Variants in PCDHA4 observed in about 807,000 individuals in gnomAD.
PCDHA4 encodes the protein protocadherin alpha 4.
Under a neutral mutation model 61.4 loss-of-function variants are expected in PCDHA4, and 49 were observed. The ratio of observed to expected loss-of-function variants is 0.80; its 90% CI spans 0.63 to 1.01. The LOEUF is 1.01. Among genes scored for constraint, PCDHA4 ranks in the 50% least tolerant of loss-of-function variants. The pLI, the probability that PCDHA4 is intolerant of heterozygous loss-of-function variation, is 0.00. For missense variants in PCDHA4, 1,254 were observed against 1,235.8 expected (o/e 1.01, Z -0.22); for synonymous variants, 590 against 550.3 (o/e 1.07, Z -1.01).
rs529585383 is a variant in PCDHA4 at position 140,982,571 on chromosome 5, G to T, written c.2533+8G>T. 243 of 1,613,888 alleles carry T rather than the reference G, an allele frequency of 1.5e-4. 4 individuals carry two copies. The South Asian group carries it at 2.5e-3, about 17-fold the overall frequency. ...TATCCAGTGCAACACCAGGTAAAGAGCTGGGGTCTCTCCATTCTTTCTTGG... is the reference window on the plus strand; with the variant it reads ...TATCCAGTGCAACACCAGGTAAAGATCTGGGGTCTCTCCATTCTTTCTTGG... On this transcript the variant is annotated splice_region_variant and intron_variant, in intron 3 of 3. Transcript: ENST00000530339.
At chr5:140,986,372 G>T (rs570215048) in intron 3 of PCDHA4, among the ~76,000 whole-genome samples, 10 of 152,248 alleles carry the variant, frequency 6.6e-5, no homozygotes, top group African/African-American at 1.2e-4. Flanking sequence ...ATGCGTTTTG[G>T]GGGGAGGGAC....
chr5:140,808,138 A>G lies in PCDHA4; in HGVS notation c.951A>G (p.Glu317=). ...ACTTTGAAGAAAGCAAATCCTATGA[A>G]ATTATTGTAGAGGGCATTGATAAGG... The part of the protein sequence containing the change: ...YIDFEESKSY[E]IIVEGIDKGQ... The change falls in exon 1 of 4, where the codon GAA becomes GAG. Residue 317 remains glutamate (E), a synonymous_variant. Transcript: ENST00000530339. 1 of 1,614,100 alleles carries G rather than the reference A, an allele frequency of 6.2e-7. No individual in the cohort carries two copies. Among genetic ancestry groups the G allele is most frequent in the Non-Finnish European group, 8.5e-7 (1 of 1,179,940 alleles).
At chr5:140,894,184 A>T (rs1411546476) in intron 1 of PCDHA4, among the ~76,000 whole-genome samples, 13 of 152,046 alleles carry the variant, frequency 8.6e-5, no homozygotes, top group African/African-American at 3.1e-4. Context: ...TTCCATAGTT[A>T]TATATTTTTT....
intron 1 of PCDHA4, chr5:140,830,270 C>G: frequency 1.2e-6 from 2 of 1,613,610 alleles, no homozygotes; most frequent in Non-Finnish European, 1.7e-6. Flanking sequence ...CTCGGCGCCA[C>G]CCACCGAGGG....
At chr5:140,868,823 G>T (rs576498570) in intron 1 of PCDHA4, 2 of 397,532 alleles carry the variant, frequency 5.0e-6, no homozygotes, top group East Asian at 8.3e-5. Flanking sequence ...ATATTTGGGG[G>T]AAGAAACCCA....
At chr5:140,981,191 G>A (rs2096922052) in intron 2 of PCDHA4, among the ~76,000 whole-genome samples, 2 of 152,178 alleles carry the variant, frequency 1.3e-5, no homozygotes, top group South Asian at 4.1e-4. Context: ...AAGTTTGCCT[G>A]CTCTGTTGCC....
intron 1 of PCDHA4, among the ~76,000 whole-genome samples, chr5:140,916,395 G>A (rs2077556484): frequency 6.6e-6 from 1 of 152,180 alleles, no homozygotes; most frequent in African/African-American, 2.4e-5. Flanking sequence ...GGAATGTGCT[G>A]GATCACACCT....
intron 1 of PCDHA4, among the ~76,000 whole-genome samples, chr5:140,903,637 A>G (rs1290449623): frequency 1.3e-5 from 2 of 152,240 alleles, no homozygotes; most frequent in Non-Finnish European, 1.5e-5. Flanking sequence ...GTATGCATAT[A>G]CCATATACAT....
chr5:140,975,861 T>G (rs782026072), intron 1 of PCDHA4, among the ~76,000 whole-genome samples: 8 of 152,192 alleles, frequency 5.3e-5, no homozygotes, highest in Non-Finnish European at 8.8e-5. Flanking sequence ...ATCACCCATA[T>G]GGACTACCTA....
chr5:140,870,455 C>A, intron 1 of PCDHA4: 6 of 1,614,246 alleles, frequency 3.7e-6, no homozygotes, highest in Non-Finnish European at 5.1e-6. Context: ...AACGACAATG[C>A]GCCTGCGTTC....
intron 1 of PCDHA4, chr5:140,870,022 T>G (rs1554163715): frequency 6.2e-7 from 1 of 1,613,310 alleles, no homozygotes; most frequent in Admixed American, 1.7e-5. Context: ...CAATGGAACT[T>G]TAGATTATGA....
Position 140,979,705 on chromosome 5 carries a change from G to A in PCDHA4, c.2444+698G>A, listed in dbSNP as rs138804576. Among the ~76,000 whole-genome samples, 597 of 152,336 alleles carry A rather than the reference G, an allele frequency of 3.9e-3. 4 individuals carry two copies. The highest frequency in any genetic ancestry group is 0.014 in the African/African-American group (562 of 41,570). On this transcript the variant is annotated intron_variant, in intron 2 of 3. Coordinates refer to ENST00000530339, the MANE Select transcript of PCDHA4 (RefSeq NM_018907.4). ...ATTAACTACCATTATTTCTGGAGGT[G>A]ATCCAGTATCCATGCCATGGGGCCA... is the stretch of plus-strand genomic sequence containing the variant.
intron 1 of PCDHA4, among the ~76,000 whole-genome samples, chr5:140,901,078 T>TAAA (rs1554189579): frequency 6.6e-6 from 1 of 152,120 alleles, no homozygotes; most frequent in East Asian, 1.9e-4. Flanking sequence ...TTCTATAGAG[T>TAAA]TGTTTGAGCT....
chr5:141,002,090 A>G (rs1554258504), intron 3 of PCDHA4, among the ~76,000 whole-genome samples: 1 of 152,254 alleles, frequency 6.6e-6, no homozygotes, highest in Non-Finnish European at 1.5e-5. Context: ...CGAGCAGTCC[A>G]GGGGCTGGGC....
chr5:140,999,877 G>A (rs1194481133), intron 3 of PCDHA4, among the ~76,000 whole-genome samples: 1 of 152,152 alleles, frequency 6.6e-6, no homozygotes, highest in Admixed American at 6.5e-5. Flanking sequence ...CTGAAAATTA[G>A]CCCAGCTGTA....
rs115463013 is a variant in PCDHA4, at chr5:140,809,401, G to C, written c.2214G>C (p.Thr738=). ...TEGACAPGKP[T]LVCSSAVGSW... is the part of the protein sequence containing the mutation. ...GCGCGTGCGCTCCGGGCAAGCCCAC[G>C]CTGGTGTGCTCCAGTGCGGTGGGGA... is the stretch of plus-strand genomic sequence containing the variant. The change falls in exon 1 of 4, where the codon ACG becomes ACC. Residue 738 remains threonine, a synonymous_variant. Coordinates refer to ENST00000530339, the MANE Select transcript of PCDHA4 (RefSeq NM_018907.4). 672 of 1,614,182 alleles carry C rather than the reference G, an allele frequency of 4.2e-4. 1 individual carries two copies. The African/African-American group carries it at 8.0e-3, about 19-fold the overall frequency.
chr5:140,900,534 T>C (rs1583392378), intron 1 of PCDHA4, among the ~76,000 whole-genome samples: 1 of 152,202 alleles, frequency 6.6e-6, no homozygotes, highest in Admixed American at 6.5e-5. Context: ...ACCTCGGCTT[T>C]CCAAAGTGCT....
rs1767505494 is a variant in PCDHA4, at chr5:140,822,996, G to T, written c.2385+13424G>T. On this transcript the variant is annotated intron_variant, in intron 1 of 3. Coordinates refer to ENST00000530339, the MANE Select transcript of PCDHA4 (RefSeq NM_018907.4). ...CCTTCAAGAATTACTACTCGTTGGT[G>T]CTGGACAGCGCCCTGGACCGCGAGA... 5 of 1,614,122 alleles carry T rather than the reference G, an allele frequency of 3.1e-6. No individual in the cohort carries two copies. In the South Asian group the frequency reaches 4.4e-5, roughly 14 times the overall value.
chr5:140,819,658 A>T (rs1010317649), intron 1 of PCDHA4, among the ~76,000 whole-genome samples: 5 of 152,142 alleles, frequency 3.3e-5, no homozygotes, highest in African/African-American at 1.2e-4. Context: ...GGAATATTCA[A>T]AATAAGAGTT....
Sources: gnomAD v4.1 joint callset for allele counts (sites outside exome capture counted in the v4.1 genomes callset) on GRCh38, gnomAD v4.1.1 for gene constraint, MANE v1.5 for transcripts, NCBI Gene and HGNC (gene_info 2026-07-23, HGNC 2026-07-21) for gene names.